DPP6: variants seen among roughly 807,000 people sequenced by gnomAD.
DPP6 encodes the protein dipeptidyl peptidase like 6.
A neutral mutation model predicts 122.6 loss-of-function variants in DPP6; 69 were observed. That is an observed-to-expected ratio of 0.56 (90% confidence interval 0.46 to 0.69). The LOEUF is 0.69. Ranked by LOEUF, DPP6 falls within the 30% of genes least tolerant of loss-of-function variation. The pLI is 0.00. For synonymous variants in DPP6, 418 were observed against 433.1 expected (o/e 0.97, Z 0.43); for missense variants, 928 against 1,116.9 (o/e 0.83, Z 2.41).
chr7:154,777,538 C>G (rs1796657636), intron 10 of DPP6, among the ~76,000 whole-genome samples: 1 of 152,174 alleles, frequency 6.6e-6, no homozygotes, highest in African/African-American at 2.4e-5. Context: ...TGCTTTCACA[C>G]AGAAACCCAG....
At chr7:153,761,308 A>G in the DPP6 span, among the ~76,000 whole-genome samples, 1 of 152,218 alleles carries the variant, frequency 6.6e-6, no homozygotes, top group African/African-American at 2.4e-5. Flanking sequence ...TGACTTTAAA[A>G]TAAAATGGGC....
intron 8 of DPP6, among the ~76,000 whole-genome samples, chr7:154,768,590 C>G (rs1796049793): frequency 6.6e-6 from 1 of 152,108 alleles, no homozygotes. Context: ...GACTGGTTAC[C>G]CTTGGGAAGT....
intron 1 of DPP6, among the ~76,000 whole-genome samples, chr7:154,002,175 A>C (rs1797718685): frequency 6.6e-6 from 1 of 152,194 alleles, no homozygotes; most frequent in South Asian, 2.1e-4. Context: ...GCTTGAGTGA[A>C]CAATCACATT....
At chr7:154,144,448 T>A (rs1399193572) in intron 1 of DPP6, among the ~76,000 whole-genome samples, 1 of 152,204 alleles carries the variant, frequency 6.6e-6, no homozygotes, top group African/African-American at 2.4e-5. Context: ...CCTGAACAAT[T>A]TGGGATCTCT....
intron 5 of DPP6, among the ~76,000 whole-genome samples, chr7:154,574,916 GTA>G (rs1831435011): frequency 1.4e-5 from 2 of 140,528 alleles, no homozygotes; most frequent in African/African-American, 2.7e-5. Flanking sequence ...GTGCGTGTGT[GTA>G]TGTGTTTGGT....
intron 15 of DPP6, among the ~76,000 whole-genome samples, chr7:154,806,788 G>C (rs1046775282): frequency 6.6e-6 from 1 of 152,184 alleles, no homozygotes; most frequent in African/African-American, 2.4e-5. Context: ...TCTTGAGAGT[G>C]GGAGGGACCC....
chr7:154,691,646 C>T (rs1416139612), intron 7 of DPP6, among the ~76,000 whole-genome samples: 3 of 151,910 alleles, frequency 2.0e-5, no homozygotes, highest in African/African-American at 7.3e-5. Context: ...GGTGAAACCC[C>T]GTCTCTACTA....
At chr7:153,795,363 T>C in the DPP6 span, among the ~76,000 whole-genome samples, 1 of 152,168 alleles carries the variant, frequency 6.6e-6, no homozygotes, top group African/African-American at 2.4e-5. Flanking sequence ...TGCAGTGAGC[T>C]AGGATTGCGC....
At chr7:154,365,758 C>A (rs1812108710) in intron 1 of DPP6, among the ~76,000 whole-genome samples, 1 of 151,870 alleles carries the variant, frequency 6.6e-6, no homozygotes, top group African/African-American at 2.4e-5. Flanking sequence ...TCGAGACCAT[C>A]CTGACTAACA....
Position 154,826,592 on chromosome 7 carries a change from C to A in DPP6, c.1666+19480C>A, listed in dbSNP as rs544960465. 1.3e-3 allele frequency among the ~76,000 whole-genome samples: 199 copies of A among 152,306 alleles called. 4 individuals carry two copies. In the South Asian group the frequency reaches 0.023, roughly 18 times the overall value. ...GTTTCTATGTGCTAGAGCTACAAAT[C>A]AAACATGGAACAACAACCTTCTCCT... is the stretch of plus-strand genomic sequence containing the variant. On this transcript the variant is annotated intron_variant, in intron 16 of 25. Coordinates refer to ENST00000377770, the MANE Select transcript of DPP6 (RefSeq NM_130797.4).
At chr7:153,965,049 T>C (rs1223222656) in intron 1 of DPP6, among the ~76,000 whole-genome samples, 1 of 149,342 alleles carries the variant, frequency 6.7e-6, no homozygotes, top group Non-Finnish European at 1.5e-5. Context: ...TCTCTCAGAA[T>C]TCAGACTTTG....
intron 3 of DPP6, among the ~76,000 whole-genome samples, chr7:154,495,432 G>A (rs1044347989): frequency 2.0e-5 from 3 of 151,204 alleles, no homozygotes; most frequent in African/African-American, 7.3e-5. Flanking sequence ...ACAGAGTCTT[G>A]CTCAGTTGCC....
chr7:154,617,738 C>T (rs1834356592), intron 5 of DPP6, among the ~76,000 whole-genome samples: 1 of 152,200 alleles, frequency 6.6e-6, no homozygotes, highest in Non-Finnish European at 1.5e-5. Context: ...GCTCCATACC[C>T]TTCCCCCAAG....
chr7:153,952,888 A>T (rs1045299224), intron 1 of DPP6, among the ~76,000 whole-genome samples: 3 of 152,244 alleles, frequency 2.0e-5, no homozygotes, highest in Non-Finnish European at 2.9e-5. Flanking sequence ...GTCAGATACA[A>T]TTTTAAAAGG....
At chr7:154,277,476 A>G (rs975394768) in intron 1 of DPP6, among the ~76,000 whole-genome samples, 1 of 152,218 alleles carries the variant, frequency 6.6e-6, no homozygotes, top group African/African-American at 2.4e-5. Context: ...ATTTTAAAAG[A>G]TGGAAGGCTG....
intron 1 of DPP6, among the ~76,000 whole-genome samples, chr7:154,422,707 A>AGATGTATGGGTGGGTG (rs1563642987): frequency 1.5e-5 from 2 of 129,984 alleles, no homozygotes; most frequent in East Asian, 2.3e-4. Context: ...GTGGGTGGGT[A>AGATGTATGGGTGGGTG]GATGGATGGG....
At chr7:154,106,120 C>T (rs557381665) in intron 1 of DPP6, among the ~76,000 whole-genome samples, 32 of 151,888 alleles carry the variant, frequency 2.1e-4, no homozygotes, top group Non-Finnish European at 3.7e-4. Context: ...TCTGCCTATG[C>T]GCCCTTGTTT....
chr7:153,883,281 G>C (rs1798804186), upstream of DPP6, among the ~76,000 whole-genome samples: 1 of 152,168 alleles, frequency 6.6e-6, no homozygotes, highest in African/African-American at 2.4e-5. Context: ...GTTCCGAATT[G>C]AATTTTATCA....
chr7:154,296,239 C>T (rs1222880941), intron 1 of DPP6, among the ~76,000 whole-genome samples: 4 of 152,166 alleles, frequency 2.6e-5, no homozygotes, highest in Admixed American at 6.5e-5. Flanking sequence ...CCACCGCGCC[C>T]GGCTGCCGTT....
Sources: gnomAD v4.1 joint callset for allele counts (sites outside exome capture counted in the v4.1 genomes callset) on GRCh38, gnomAD v4.1.1 for gene constraint, MANE v1.5 for transcripts, NCBI Gene and HGNC (gene_info 2026-07-23, HGNC 2026-07-21) for gene names.